NLK: variants seen among roughly 807,000 people sequenced by gnomAD.
NLK encodes the protein serine/threonine-protein kinase NLK.
NLK carries 11 observed loss-of-function variants against 59.0 expected under a neutral mutation model. The observed-to-expected ratio is 0.19, with a 90% CI of 0.12 to 0.31. The LOEUF (loss-of-function observed/expected upper bound fraction) is 0.31. NLK is among the 10% of genes least tolerant of loss of function. The pLI is 1.00. For synonymous variants in NLK, 235 were observed against 235.9 expected, an observed-to-expected ratio of 1.00 and a Z score of 0.03; for missense variants, 410 against 661.1, an observed-to-expected ratio of 0.62 and a Z score of 4.16.
chr17:28,068,628 T>G (rs887271041), intron 1 of NLK, among the ~76,000 whole-genome samples: 10 of 152,240 alleles, frequency 6.6e-5, no homozygotes, highest in Non-Finnish European at 1.2e-4. Flanking sequence ...TGCAGTTGAT[T>G]AATGTTTTGT....
chr17:28,154,357 A>G (rs1251887462), intron 3 of NLK, among the ~76,000 whole-genome samples: 1 of 152,176 alleles, frequency 6.6e-6, no homozygotes. Context: ...ACCCACTAAC[A>G]TAGAATTCTG....
In NLK at chr17:28,195,729, A is replaced by G. The variant is rs1363195049; in HGVS notation, c.*1093A>G. 2 of 152,470 alleles carry G rather than the reference A, an allele frequency of 1.3e-5. No homozygotes were observed. The highest frequency in any genetic ancestry group is 4.8e-5 in the African/African-American group (2 of 41,394). The allele number at this position is 152,470 out of a possible 1,614,324, so 9.4% of individuals were successfully genotyped here. A position where few individuals can be genotyped will look rare whatever the true frequency, so the allele number is the denominator to read the frequency against. On this transcript the variant is annotated 3_prime_UTR_variant, in exon 11 of 11. Coordinates refer to ENST00000407008, the MANE Select transcript of NLK (RefSeq NM_016231.5). ...ACTGAATTCTTCTGTGCATATGTAC[A>G]TATGAATACAAATCGAAGGCCTCTA...
intron 1 of NLK, among the ~76,000 whole-genome samples, chr17:28,108,476 A>G (rs1447781239): frequency 6.6e-6 from 1 of 152,220 alleles, no homozygotes; most frequent in Non-Finnish European, 1.5e-5. Context: ...ATTGTTATAT[A>G]TCCAGAAAAT....
In NLK at chr17:28,043,040, G is replaced by A. The variant is rs1908917821; in HGVS notation, c.167G>A (p.Gly56Glu). 1.9e-6 allele frequency: 3 copies of A among 1,557,540 alleles called. No individual in the cohort carries two copies. Among genetic ancestry groups the A allele is most frequent in the African/African-American group, 1.4e-5 (1 of 73,210 alleles). ...CACCCTCAACACCATCTTCATCCGG[G>A]GTCGGCTGCCGCTGTACACCCTGTA... ...HHHPQHHLHP[G>E]SAAAVHPVQQ... Residue 56 changes from glycine (G) to glutamate (E), a missense_variant, in exon 1 of 11, where the codon GGG (glycine) becomes GAG (glutamate). Gly to Glu is a moderately conservative substitution (Grantham distance 98, BLOSUM62 -2). Coordinates refer to ENST00000407008, the MANE Select transcript of NLK (RefSeq NM_016231.5).
the NLK span, among the ~76,000 whole-genome samples, chr17:28,203,218 C>G: frequency 1.3e-5 from 2 of 151,290 alleles, no homozygotes. Context: ...GTCTGTTGTC[C>G]AGGCTGGTCT....
chr17:28,191,981 C>A, intron 9 of NLK, 139 bp from the exon 10 acceptor site: 1 of 547,340 alleles, frequency 1.8e-6, no homozygotes, highest in Non-Finnish European at 3.3e-6. Flanking sequence ...CTGAATTCTG[C>A]TTGATAGATG....
intron 1 of NLK, among the ~76,000 whole-genome samples, chr17:28,069,818 A>C (rs1448629309): frequency 6.6e-6 from 1 of 151,690 alleles, no homozygotes; most frequent in African/African-American, 2.4e-5. Flanking sequence ...ATTTTCTCCT[A>C]CTCTGTAACT....
chr17:28,129,368 G>A (rs571474381), intron 2 of NLK, among the ~76,000 whole-genome samples: 21 of 152,232 alleles, frequency 1.4e-4, no homozygotes, highest in Admixed American at 3.9e-4. Context: ...CAGGAGAATC[G>A]CTTGAATCCA....
At chr17:28,205,936 T>G in the NLK span, among the ~76,000 whole-genome samples, 1 of 152,202 alleles carries the variant, frequency 6.6e-6, no homozygotes, top group Non-Finnish European at 1.5e-5. Flanking sequence ...CTCTTTTAGA[T>G]ACACACACGC....
intron 3 of NLK, among the ~76,000 whole-genome samples, chr17:28,151,143 G>A (rs897668075): frequency 2.6e-5 from 4 of 152,162 alleles, no homozygotes; most frequent in African/African-American, 7.2e-5. Context: ...TATTTAATGT[G>A]CAACAGACCT....
chr17:28,165,090 C>T (rs1000496437), intron 5 of NLK, among the ~76,000 whole-genome samples: 1 of 151,842 alleles, frequency 6.6e-6, no homozygotes, highest in African/African-American at 2.4e-5. Flanking sequence ...TAAAGTATTC[C>T]TTCTATAGGT....
chr17:28,064,174 C>CTTTTTT (rs66949112), intron 1 of NLK, among the ~76,000 whole-genome samples: 67 of 99,618 alleles, frequency 6.7e-4, no homozygotes, highest in South Asian at 2.1e-3. Flanking sequence ...AGTTAGCAAA[C>CTTTTTT]TTTTTTTTTT....
At chr17:28,074,272 A>G (rs900483196) in intron 1 of NLK, among the ~76,000 whole-genome samples, 3 of 152,212 alleles carry the variant, frequency 2.0e-5, no homozygotes, top group African/African-American at 7.2e-5. Context: ...GCCACAAACC[A>G]TGACACACAT....
intron 1 of NLK, among the ~76,000 whole-genome samples, chr17:28,088,117 T>C (rs1904348231): frequency 6.6e-6 from 1 of 152,230 alleles, no homozygotes; most frequent in Non-Finnish European, 1.5e-5. Context: ...ATATAGCATG[T>C]TATTCTGCTC....
intron 1 of NLK, among the ~76,000 whole-genome samples, chr17:28,064,174 CTTT>C (rs66949112): frequency 5.0e-5 from 5 of 99,602 alleles, no homozygotes; most frequent in Non-Finnish European, 5.6e-5. Flanking sequence ...AGTTAGCAAA[CTTT>C]TTTTTTTTTT....
At chr17:28,064,174 C>CTTTTTTTTT (rs66949112) in intron 1 of NLK, among the ~76,000 whole-genome samples, 2 of 99,604 alleles carry the variant, frequency 2.0e-5, no homozygotes, top group African/African-American at 7.7e-5. Flanking sequence ...AGTTAGCAAA[C>CTTTTTTTTT]TTTTTTTTTT....
intron 5 of NLK, among the ~76,000 whole-genome samples, chr17:28,167,464 C>T (rs1480098600): frequency 6.6e-6 from 1 of 151,510 alleles, no homozygotes; most frequent in South Asian, 2.1e-4. Context: ...TGGTCTTAAA[C>T]TCCTGATCTC....
intron 1 of NLK, among the ~76,000 whole-genome samples, chr17:28,051,281 G>C (rs951877301): frequency 6.8e-6 from 1 of 147,974 alleles, no homozygotes; most frequent in Non-Finnish European, 1.5e-5. Context: ...AATCTCATTT[G>C]TTTGTTTGTT....
At chr17:28,055,906 T>C (rs989260899) in intron 1 of NLK, among the ~76,000 whole-genome samples, 1 of 152,238 alleles carries the variant, frequency 6.6e-6, no homozygotes, top group African/African-American at 2.4e-5. Flanking sequence ...CTAGAATGCT[T>C]TCCAAATGTA....
Sources: allele counts gnomAD v4.1 joint callset (sites outside exome capture counted in the v4.1 genomes callset), GRCh38; gene constraint gnomAD v4.1.1; transcripts MANE v1.5; gene names NCBI Gene and HGNC (gene_info 2026-07-23, HGNC 2026-07-21).